BBX: variants seen among roughly 807,000 people sequenced by gnomAD.
BBX encodes the protein HMG box transcription factor BBX.
A neutral mutation model predicts 100.2 loss-of-function variants in BBX; 30 were observed. The observed-to-expected ratio is 0.30, with a 90% CI of 0.22 to 0.41. The LOEUF (loss-of-function observed/expected upper bound fraction) is 0.41. Among genes scored for constraint, BBX ranks in the 10% least tolerant of loss-of-function variants. BBX has a pLI of 1.00. For synonymous variants in BBX, 376 were observed against 388.1 expected, an observed-to-expected ratio of 0.97 and a Z score of 0.37; for missense variants, 1,023 against 1,129.8, an observed-to-expected ratio of 0.91 and a Z score of 1.35.
chr3:107,540,224 A>G (rs562535144), intron 2 of BBX, among the ~76,000 whole-genome samples: 2 of 152,302 alleles, frequency 1.3e-5, no homozygotes, highest in East Asian at 3.9e-4. Context: ...GCATATAGAG[A>G]TAGGCCAACT....
chr3:107,707,485 G>T (rs867699958), intron 3 of BBX, among the ~76,000 whole-genome samples: 15 of 152,170 alleles, frequency 9.9e-5, no homozygotes, highest in Admixed American at 4.6e-4. Flanking sequence ...GATGTGCCAG[G>T]ATGTTTCTGA....
At chr3:107,664,340 G>A (rs2058630280) in intron 3 of BBX, among the ~76,000 whole-genome samples, 1 of 152,144 alleles carries the variant, frequency 6.6e-6, no homozygotes, top group African/African-American at 2.4e-5. Context: ...CAGAATGTAA[G>A]TATTCTCTCT....
chr3:107,724,054 A>G (rs1180816364), intron 5 of BBX, among the ~76,000 whole-genome samples: 2 of 152,166 alleles, frequency 1.3e-5, no homozygotes, highest in Non-Finnish European at 2.9e-5. Context: ...CTATTTCTCC[A>G]TATCCTATCC....
intron 2 of BBX, among the ~76,000 whole-genome samples, chr3:107,632,157 A>C (rs1294217752): frequency 6.6e-6 from 1 of 151,584 alleles, no homozygotes; most frequent in African/African-American, 2.4e-5. Flanking sequence ...GCTCACTGCA[A>C]CCTCCGCCTC....
chr3:107,673,033 C>A lies in BBX; in HGVS notation c.-10+27124C>A, dbSNP rs1430415140. On this transcript the variant is annotated intron_variant, in intron 3 of 17. Coordinates refer to ENST00000325805, the MANE Select transcript of BBX (RefSeq NM_001142568.3). ...TTAATTTTGGCCTGAATTTTCTTGT[C>A]TTTCAATATGGGAGTTAAATTGGAT... Among the ~76,000 whole-genome samples, 4 of 151,924 alleles carry A rather than the reference C, an allele frequency of 2.6e-5. No individual in the cohort carries two copies. In the East Asian group the frequency reaches 7.7e-4, roughly 29 times the overall value.
rs544609844 is a variant in BBX at position 107,809,814 on chromosome 3, A to T, written c.*4357A>T. The T allele has an allele frequency of 1.3e-5, 2 of 152,350 alleles. No homozygotes were observed. Among genetic ancestry groups the T allele is most frequent in the South Asian group, 4.1e-4 (2 of 4,830 alleles). 9.4% of individuals were successfully genotyped at this position (152,350 alleles called of 1,614,324 possible). ...CTTATAAAAAGTATACTAATTGTTA[A>T]TTAGATGTTGCTTTTGTTTATACAA... On this transcript the variant is annotated 3_prime_UTR_variant, in exon 18 of 18. Transcript: ENST00000325805.
chr3:107,780,867 C>T (rs1468049040), intron 13 of BBX, among the ~76,000 whole-genome samples: 6 of 152,034 alleles, frequency 3.9e-5, no homozygotes, highest in African/African-American at 1.4e-4. Flanking sequence ...ACCCTTTCCA[C>T]CTTTGCATAA....
At chr3:107,582,829 A>G (rs2052385286) in intron 2 of BBX, among the ~76,000 whole-genome samples, 1 of 152,010 alleles carries the variant, frequency 6.6e-6, no homozygotes, top group Non-Finnish European at 1.5e-5. Context: ...ATAGAATTTA[A>G]CAAACATAAT....
At chr3:107,753,402 C>A (rs776488933) in intron 9 of BBX, among the ~76,000 whole-genome samples, 12 of 152,056 alleles carry the variant, frequency 7.9e-5, no homozygotes, top group Admixed American at 6.5e-4. Flanking sequence ...AACCTCCCCC[C>A]ACACATGCCC....
At chr3:107,741,835 GAAGT>G (rs898606090) in intron 7 of BBX, among the ~76,000 whole-genome samples, 1 of 152,124 alleles carries the variant, frequency 6.6e-6, no homozygotes, top group African/African-American at 2.4e-5. Flanking sequence ...CCTTTTGTGG[GAAGT>G]ATTCTCTCCC....
At chr3:107,526,538 T>G in intron 2 of BBX, 140 bp downstream of exon 2, 1 of 394,976 alleles carries the variant, frequency 2.5e-6, no homozygotes, top group Non-Finnish European at 4.5e-6. Flanking sequence ...TCCCACAGCA[T>G]AAGTCAGTTT....
chr3:107,667,020 A>G (rs180832430), intron 3 of BBX, among the ~76,000 whole-genome samples: 2 of 152,290 alleles, frequency 1.3e-5, no homozygotes, highest in African/African-American at 4.8e-5. Context: ...CTCCTAACTA[A>G]CTGCTTACTT....
At chr3:107,634,346 G>A (rs1424111920) in intron 2 of BBX, among the ~76,000 whole-genome samples, 2 of 152,074 alleles carry the variant, frequency 1.3e-5, no homozygotes, top group Non-Finnish European at 2.9e-5. Flanking sequence ...GTTATCTGTT[G>A]TACCATTCTC....
intron 2 of BBX, among the ~76,000 whole-genome samples, chr3:107,644,606 T>A (rs921477096): frequency 6.6e-6 from 1 of 152,210 alleles, no homozygotes; most frequent in Non-Finnish European, 1.5e-5. Flanking sequence ...GTGTTTGGAA[T>A]TGGCATGCTG....
chr3:107,790,029 C>G (rs368901696), intron 14 of BBX, among the ~76,000 whole-genome samples, 153 bp downstream of exon 14: 1 of 152,058 alleles, frequency 6.6e-6, no homozygotes, highest in Non-Finnish European at 1.5e-5. Context: ...TCATTCTTTC[C>G]GGACTCTGCA....
chr3:107,692,659 C>T (rs1403721489), intron 3 of BBX, among the ~76,000 whole-genome samples: 19 of 150,702 alleles, frequency 1.3e-4, no homozygotes, highest in South Asian at 4.3e-4. Flanking sequence ...AATAAACATA[C>T]GTGTGCATGT....
Position 107,789,798 on chromosome 3 carries a change from T to C in BBX, c.2215T>C (p.Ser739Pro). ...PTKTSKGPFQSQKKNLFHKIV... is the reference protein window; with the variant it reads ...PTKTSKGPFQPQKKNLFHKIV... ...AATATTGTCTGTAGGTCCTTTCCAG[T>C]CTCAGAAAAAGAACTTATTCCACAA... The change falls in exon 14 of 18, where the codon TCT (serine) becomes CCT (proline). Residue 739 changes from serine (S) to proline (P), a missense_variant. Coordinates refer to ENST00000325805, the MANE Select transcript of BBX (RefSeq NM_001142568.3). 2 of 1,538,432 alleles carry C rather than the reference T, an allele frequency of 1.3e-6. No individual in the cohort carries two copies. The highest frequency in any genetic ancestry group is 1.8e-6 in the Non-Finnish European group (2 of 1,135,718).
intron 2 of BBX, among the ~76,000 whole-genome samples, chr3:107,560,219 AT>A (rs2050385719): frequency 6.6e-6 from 1 of 151,126 alleles, no homozygotes; most frequent in African/African-American, 2.4e-5. Flanking sequence ...AAAAAAAAAA[AT>A]AACAAACCTC....
intron 3 of BBX, among the ~76,000 whole-genome samples, chr3:107,658,503 G>A (rs1171342652): frequency 6.6e-6 from 1 of 151,982 alleles, no homozygotes; most frequent in African/African-American, 2.4e-5. Context: ...TTAAAATAAG[G>A]CCTACTCTTT....
Sources: gnomAD v4.1 joint callset for allele counts (sites outside exome capture counted in the v4.1 genomes callset) on GRCh38, gnomAD v4.1.1 for gene constraint, MANE v1.5 for transcripts, NCBI Gene and HGNC (gene_info 2026-07-23, HGNC 2026-07-21) for gene names.